PCDHA2: variants seen among roughly 807,000 people sequenced by gnomAD.
PCDHA2 encodes the protein protocadherin alpha-2.
PCDHA2 carries 58 observed loss-of-function variants against 66.0 expected under a neutral mutation model. That is an observed-to-expected ratio of 0.88 (90% CI 0.71 to 1.09). PCDHA2 has a LOEUF of 1.09. Ranked by LOEUF, PCDHA2 falls within the 50% of genes least tolerant of loss-of-function variation. The pLI is 0.00. For synonymous variants in PCDHA2, 634 were observed against 554.0 expected, an observed-to-expected ratio of 1.14 and a Z score of -2.03; for missense variants, 1,267 against 1,242.3, an observed-to-expected ratio of 1.02 and a Z score of -0.30.
chr5:140,982,584 C>T (rs1554244599), intron 3 of PCDHA2, 21 bp downstream of exon 3: 1 of 1,612,032 alleles, frequency 6.2e-7, no homozygotes, highest in East Asian at 2.2e-5. Flanking sequence ...GGGGTCTCTC[C>T]ATTCTTTCTT....
In PCDHA2 at chr5:141,010,279, A is replaced by T. The variant is rs2098416787; in HGVS notation, c.*342A>T. 2.6e-6 allele frequency: 4 copies of T among 1,551,490 alleles called. No homozygotes were observed. The highest frequency in any genetic ancestry group is 3.5e-6 in the Non-Finnish European group (4 of 1,146,936). ...CCTGTGCTCCGGGGATCCTGTCTTG[A>T]TGACACTTGCAGGGCAGGCTGAAAA... On this transcript the variant is annotated 3_prime_UTR_variant, in exon 4 of 4. Coordinates refer to ENST00000526136, the MANE Select transcript of PCDHA2 (RefSeq NM_018905.3).
At chr5:140,807,855 C>A in intron 1 of PCDHA2, 1 of 1,614,194 alleles carries the variant, frequency 6.2e-7, no homozygotes, top group Non-Finnish European at 8.5e-7. Context: ...CCCGAGTTGA[C>A]TGGCACCGTT....
chr5:140,824,218 A>T, intron 1 of PCDHA2: 1 of 1,564,370 alleles, frequency 6.4e-7, no homozygotes. Flanking sequence ...TTTAAAAATT[A>T]TGTCTTAGTA....
chr5:140,945,041 C>T (rs2093729370), intron 1 of PCDHA2, among the ~76,000 whole-genome samples: 1 of 151,978 alleles, frequency 6.6e-6, no homozygotes, highest in African/African-American at 2.4e-5. Flanking sequence ...TATCTTTGGT[C>T]TTATATAAAG....
rs373073076 is a variant in PCDHA2 at position 140,801,876 on chromosome 5, C to A, written c.2388+4524C>A. The A allele has an allele frequency of 1.7e-5, 28 of 1,613,990 alleles. No individual in the cohort carries two copies. In the African/African-American group the frequency reaches 3.6e-4, roughly 21 times the overall value. On this transcript the variant is annotated intron_variant, in intron 1 of 3. Coordinates refer to ENST00000526136, the MANE Select transcript of PCDHA2 (RefSeq NM_018905.3). Reference sequence around the variant, plus strand: ...GAAACCAGAGCTCACTGGCACGACTCAACTAAAGATCACTGTTTTAGATGT... The same window carrying A: ...GAAACCAGAGCTCACTGGCACGACTAAACTAAAGATCACTGTTTTAGATGT...
At chr5:140,809,110 C>G (rs1764367265) in intron 1 of PCDHA2, 2 of 1,613,872 alleles carry the variant, frequency 1.2e-6, no homozygotes, top group Admixed American at 1.7e-5. Context: ...ACGAAACGGA[C>G]GCTCCGCGCC....
At chr5:140,982,380 C>A in intron 2 of PCDHA2, 95 bp from the exon 3 acceptor site, 1 of 1,577,206 alleles carries the variant, frequency 6.3e-7, no homozygotes, top group South Asian at 1.2e-5. Context: ...AGCTGCAGCC[C>A]TGGCTTCATA....
intron 1 of PCDHA2, among the ~76,000 whole-genome samples, chr5:140,921,749 A>G (rs1366376226): frequency 6.6e-6 from 1 of 152,196 alleles, no homozygotes; most frequent in Non-Finnish European, 1.5e-5. Context: ...GCATAACAGG[A>G]CACTTCTTGG....
intron 1 of PCDHA2, chr5:140,851,591 T>C: frequency 1.1e-6 from 1 of 917,932 alleles, no homozygotes. Context: ...TTTTTTGAAA[T>C]TCAGTTTACA....
At chr5:140,834,895 G>A (rs1773362050) in intron 1 of PCDHA2, 1 of 1,603,034 alleles carries the variant, frequency 6.2e-7, no homozygotes, top group African/African-American at 1.4e-5. Flanking sequence ...CTCACTTACA[G>A]ACTGAGCCCC....
chr5:140,915,876 G>A (rs1373834228), intron 1 of PCDHA2, among the ~76,000 whole-genome samples: 1 of 152,136 alleles, frequency 6.6e-6, no homozygotes, highest in East Asian at 1.9e-4. Context: ...CTTCCCTTTA[G>A]GGTAGCAAGT....
intron 1 of PCDHA2, chr5:140,969,314 G>T (rs200006206): frequency 6.2e-7 from 1 of 1,614,150 alleles, no homozygotes; most frequent in African/African-American, 1.3e-5. Context: ...CAAAAATGAG[G>T]CTGTTTCTCA....
chr5:140,856,891 C>G (rs1432277991), intron 1 of PCDHA2: 3 of 1,595,930 alleles, frequency 1.9e-6, no homozygotes, highest in African/African-American at 2.7e-5. Context: ...ATTCATTTAG[C>G]TCTTTGGTCC....
intron 1 of PCDHA2, among the ~76,000 whole-genome samples, chr5:140,952,680 G>A (rs1013469820): frequency 6.6e-6 from 1 of 152,128 alleles, no homozygotes; most frequent in Middle Eastern, 3.2e-3. Flanking sequence ...CACATTTTCA[G>A]GATCTTTATA....
intron 3 of PCDHA2, among the ~76,000 whole-genome samples, chr5:140,998,021 C>T (rs2097794085): frequency 6.6e-6 from 1 of 152,152 alleles, no homozygotes; most frequent in Non-Finnish European, 1.5e-5. Context: ...CCACCTCGAG[C>T]TAGTGCTATA....
At chr5:140,946,679 CG>C (rs1355438071) in intron 1 of PCDHA2, among the ~76,000 whole-genome samples, 1 of 144,750 alleles carries the variant, frequency 6.9e-6, no homozygotes, top group Non-Finnish European at 1.5e-5. Flanking sequence ...TCCTGTCATT[CG>C]TGACAATATG....
chr5:140,845,803 T>C (rs1319133517), intron 1 of PCDHA2, among the ~76,000 whole-genome samples: 3 of 149,694 alleles, frequency 2.0e-5, no homozygotes, highest in Non-Finnish European at 4.5e-5. Flanking sequence ...TGGCAAGTGA[T>C]AGGTACATAA....
At chr5:140,944,928 C>A (rs1554216614) in intron 1 of PCDHA2, among the ~76,000 whole-genome samples, 1 of 152,074 alleles carries the variant, frequency 6.6e-6, no homozygotes, top group Non-Finnish European at 1.5e-5. Flanking sequence ...TTGGTTTATG[C>A]CTTCTTTAGA....
chr5:140,849,674 C>G (rs138948867), intron 1 of PCDHA2: 2 of 1,598,596 alleles, frequency 1.3e-6, no homozygotes, highest in African/African-American at 2.7e-5. Flanking sequence ...CGCCCCACGT[C>G]CCCTTCAAGC....
Sources: allele counts gnomAD v4.1 joint callset (sites outside exome capture counted in the v4.1 genomes callset), GRCh38; gene constraint gnomAD v4.1.1; transcripts MANE v1.5; gene names NCBI Gene and HGNC (gene_info 2026-07-23, HGNC 2026-07-21).